The following NCAPG2 variants were observed in gnomAD, a reference collection of about 807,000 sequenced individuals.
NCAPG2 encodes the protein non-SMC condensin II complex subunit G2, also known as condensin-2 complex subunit G2.
A neutral mutation model predicts 141.1 loss-of-function variants in NCAPG2; 53 were observed. The observed-to-expected ratio is 0.38, with a 90% CI of 0.30 to 0.47. The LOEUF is 0.47. NCAPG2 is among the 20% of genes least tolerant of loss of function. The pLI, the probability that NCAPG2 is intolerant of heterozygous loss-of-function variation, is 0.99. For synonymous variants in NCAPG2, 499 were observed against 490.7 expected (o/e 1.02, Z -0.22); for missense variants, 1,087 against 1,389.0 (o/e 0.78, Z 3.46).
chr7:158,657,369 A>C (rs927801186), intron 17 of NCAPG2, among the ~76,000 whole-genome samples: 5 of 152,248 alleles, frequency 3.3e-5, no homozygotes, highest in African/African-American at 1.2e-4. Flanking sequence ...GCTCAGGGCC[A>C]CATGTGACCA....
intron 10 of NCAPG2, among the ~76,000 whole-genome samples, chr7:158,680,301 T>C (rs190137294): frequency 1.3e-5 from 2 of 152,318 alleles, no homozygotes; most frequent in Admixed American, 1.3e-4. Context: ...GCCCACTTCA[T>C]GTCACTAAGA....
chr7:158,685,105 ATGAT>A (rs1275319523), intron 8 of NCAPG2, among the ~76,000 whole-genome samples: 1 of 152,230 alleles, frequency 6.6e-6, no homozygotes, highest in East Asian at 1.9e-4. Flanking sequence ...GAAAAATAAA[ATGAT>A]TGAGAACCTG....
intron 27 of NCAPG2, 86 bp downstream of exon 27, chr7:158,644,203 G>A (rs1215933839): frequency 8.8e-7 from 1 of 1,142,760 alleles, no homozygotes; most frequent in Non-Finnish European, 1.3e-6. Context: ...GGTGTAAGTA[G>A]CAGAAATGAA....
intron 7 of NCAPG2, 30 bp downstream of exon 7, chr7:158,687,318 C>A: frequency 1.3e-6 from 2 of 1,497,638 alleles, no homozygotes; most frequent in South Asian, 2.4e-5. Flanking sequence ...ATTAAGACAG[C>A]ACAAAATCTT....
At chr7:158,684,992 A>G (rs929998704) in intron 8 of NCAPG2, among the ~76,000 whole-genome samples, 1 of 152,244 alleles carries the variant, frequency 6.6e-6, no homozygotes, top group Admixed American at 6.5e-5. Context: ...CCCTCTGCCC[A>G]TCAGTGCAGG....
At chr7:158,657,567 G>T (rs1452864482) in intron 17 of NCAPG2, among the ~76,000 whole-genome samples, 1 of 152,210 alleles carries the variant, frequency 6.6e-6, no homozygotes, top group South Asian at 2.1e-4. Context: ...CGCCCCGTCC[G>T]GGAGGTGAGG....
chr7:158,635,256 T>C (rs1295317599), intron 27 of NCAPG2, among the ~76,000 whole-genome samples: 1 of 152,112 alleles, frequency 6.6e-6, no homozygotes, highest in African/African-American at 2.4e-5. Flanking sequence ...CAGCCTCAAA[T>C]TCGTTTAAAA....
chr7:158,639,650 T>C (rs1830506358), intron 27 of NCAPG2: 1 of 160,270 alleles, frequency 6.2e-6, no homozygotes, highest in Non-Finnish European at 1.3e-5. Context: ...GGAAAAGTCA[T>C]CCCAGATTTC....
intron 16 of NCAPG2, among the ~76,000 whole-genome samples, 182 bp from the exon 17 acceptor site, chr7:158,658,590 C>T (rs1269282135): frequency 6.6e-6 from 1 of 152,126 alleles, no homozygotes; most frequent in Non-Finnish European, 1.5e-5. Context: ...GAGAAAATTA[C>T]TTGGTGAGTG....
At chr7:158,669,499 A>G (rs1287362703) in intron 13 of NCAPG2, among the ~76,000 whole-genome samples, 2 of 152,112 alleles carry the variant, frequency 1.3e-5, no homozygotes, top group Non-Finnish European at 2.9e-5. Context: ...GCAGTGGCTC[A>G]CGCCCATAAT....
At chr7:158,636,249 A>G (rs1830186380) in intron 27 of NCAPG2, among the ~76,000 whole-genome samples, 1 of 152,170 alleles carries the variant, frequency 6.6e-6, no homozygotes, top group South Asian at 2.1e-4. Context: ...TGTAACTAAC[A>G]TAATTCAAGT....
chr7:158,638,522 G>A (rs193047919), intron 27 of NCAPG2, among the ~76,000 whole-genome samples: 81 of 152,150 alleles, frequency 5.3e-4, no homozygotes, highest in African/African-American at 8.7e-4. Flanking sequence ...TTACAGACGC[G>A]AGCCACCATG....
chr7:158,633,450 T>C lies in NCAPG2; in HGVS notation c.3381-1733A>G, dbSNP rs892370345. On this transcript the variant is annotated intron_variant, in intron 27 of 27. Coordinates refer to ENST00000356309, the MANE Select transcript of NCAPG2 (RefSeq NM_017760.7). This position sits in a 1 kb window ranked among gnomAD's most constrained non-coding sequence, Gnocchi z 4.1. ...GGGCCACCCTCTGTGTGGTTATTTC[T>C]GCCTGTGTTGAACCAGGGGTGAGGG... Among the ~76,000 whole-genome samples the C allele has an allele frequency of 6.6e-6, 1 of 152,266 alleles. No homozygotes were observed. The highest frequency in any genetic ancestry group is 6.5e-5 in the Admixed American group (1 of 15,294).
intron 2 of NCAPG2, among the ~76,000 whole-genome samples, chr7:158,700,997 C>T (rs953521221): frequency 3.3e-5 from 5 of 152,208 alleles, no homozygotes; most frequent in Admixed American, 6.5e-5. Context: ...GGTATCCAGA[C>T]GTGCATGTCT....
At chr7:158,698,998 G>A (rs114588215) in intron 2 of NCAPG2, among the ~76,000 whole-genome samples, 1,556 of 152,034 alleles carry the variant, frequency 0.01, 26 homozygotes, top group African/African-American at 0.035. Flanking sequence ...TGTTGCCCAG[G>A]CCAGTGTTAT....
At chr7:158,667,119 G>A (rs1235981916) in intron 13 of NCAPG2, 4 of 983,128 alleles carry the variant, frequency 4.1e-6, no homozygotes, top group Middle Eastern at 1.0e-3. Flanking sequence ...AAATTAGCTT[G>A]CATGCTCGTC....
At chr7:158,701,261 G>T (rs542620213) in intron 2 of NCAPG2, among the ~76,000 whole-genome samples, 1 of 152,336 alleles carries the variant, frequency 6.6e-6, no homozygotes, top group East Asian at 1.9e-4. Context: ...CACAACCTAA[G>T]AGGTTAGCCT....
At chr7:158,664,979 C>T (rs1832807013) in intron 13 of NCAPG2, 1 of 446,478 alleles carries the variant, frequency 2.2e-6, no homozygotes, top group Non-Finnish European at 3.9e-6. Context: ...TATTAGGGTG[C>T]TAAGAGGTTT....
intron 2 of NCAPG2, among the ~76,000 whole-genome samples, chr7:158,698,000 ATAAC>A (rs1460286020): frequency 6.6e-6 from 1 of 152,218 alleles, no homozygotes; most frequent in East Asian, 1.9e-4. Flanking sequence ...ATAACTAAAA[ATAAC>A]TAATTACTAG....
Sources: allele counts gnomAD v4.1 joint callset (sites outside exome capture counted in the v4.1 genomes callset), GRCh38; gene constraint gnomAD v4.1.1; non-coding constraint Gnocchi (gnomAD v3.1); transcripts MANE v1.5; gene names NCBI Gene and HGNC (gene_info 2026-07-23, HGNC 2026-07-21).